LYST: variants seen among roughly 807,000 people sequenced by gnomAD.
LYST encodes lysosomal-trafficking regulator.
In LYST, 192 loss-of-function variants were observed where a neutral mutation model predicts 413.6. The observed-to-expected ratio is 0.46, with a 90% confidence interval of 0.41 to 0.52. The LOEUF (loss-of-function observed/expected upper bound fraction) is 0.52, where lower values mean the gene tolerates loss of function less well. LYST is among the 20% of genes least tolerant of loss of function. LYST has a pLI of 0.00. For synonymous variants in LYST, 1,525 were observed against 1,567.3 expected (o/e 0.97, Z 0.64); for missense variants, 3,815 against 4,499.9 (o/e 0.85, Z 4.35).
chr1:235,866,221 A>C (rs1237389930), intron 1 of LYST, among the ~76,000 whole-genome samples: 1 of 152,116 alleles, frequency 6.6e-6, no homozygotes, highest in Non-Finnish European at 1.5e-5. Flanking sequence ...GTGATACCGG[A>C]GACAGACGGC....
At chr1:235,788,569 A>G (rs991853860) in intron 13 of LYST, 132 bp downstream of exon 13, 26 of 784,222 alleles carry the variant, frequency 3.3e-5, no homozygotes, top group Non-Finnish European at 5.0e-5. Flanking sequence ...AGCTGTTAGA[A>G]TGTATATATT....
At chr1:235,866,600 G>C (rs1460085873) in intron 1 of LYST, among the ~76,000 whole-genome samples, 1 of 151,990 alleles carries the variant, frequency 6.6e-6, no homozygotes, top group East Asian at 1.9e-4. Context: ...CCCGCGGCCC[G>C]GCGGCTGTCA....
chr1:235,858,706 TG>T (rs1024785670), intron 1 of LYST, among the ~76,000 whole-genome samples: 1 of 152,204 alleles, frequency 6.6e-6, no homozygotes, highest in Non-Finnish European at 1.5e-5. Context: ...CTCTATTCCT[TG>T]ACTTCCCACT....
intron 21 of LYST, among the ~76,000 whole-genome samples, chr1:235,765,741 C>T (rs1668077147): frequency 6.6e-6 from 1 of 152,144 alleles, no homozygotes; most frequent in South Asian, 2.1e-4. Flanking sequence ...TGTCATGTAA[C>T]CTATTAAATA....
chr1:235,762,353 A>G (rs930435620), intron 22 of LYST, among the ~76,000 whole-genome samples: 9 of 152,336 alleles, frequency 5.9e-5, no homozygotes, highest in African/African-American at 2.2e-4. Context: ...AGGTACCCTG[A>G]GTCAAAAAAT....
chr1:235,708,980 C>T (rs981133944), intron 44 of LYST, 111 bp downstream of exon 44: 27 of 930,498 alleles, frequency 2.9e-5, no homozygotes, highest in Admixed American at 1.7e-4. Flanking sequence ...AATGCTACTA[C>T]CAATTCTCTT....
chr1:235,879,446 C>T (rs912347004), intron 1 of LYST, among the ~76,000 whole-genome samples: 5 of 152,216 alleles, frequency 3.3e-5, no homozygotes, highest in African/African-American at 1.2e-4. Context: ...CTGAGTGGCA[C>T]CCCAGGTGCT....
At position 235,823,579 on chromosome 1, in the gene LYST, T is replaced by C. The variant is rs78330092; in HGVS notation, c.192+6647A>G. Among the ~76,000 whole-genome samples the C allele has an allele frequency of 3.3e-3, 509 of 152,346 alleles. 18 individuals carry two copies. In the East Asian group the frequency reaches 0.082, roughly 25 times the overall value. On this transcript the variant is annotated intron_variant, in intron 3 of 52. Transcript: ENST00000389793. ...ATGGTATACAAGGCTTGCCATGTCATGGCCTCTGCCCTTCAGGTCTCCCCA... is the reference window on the plus strand; with the variant it reads ...ATGGTATACAAGGCTTGCCATGTCACGGCCTCTGCCCTTCAGGTCTCCCCA...
intron 48 of LYST, among the ~76,000 whole-genome samples, chr1:235,681,318 G>T (rs1428838560): frequency 6.6e-6 from 1 of 152,188 alleles, no homozygotes; most frequent in Non-Finnish European, 1.5e-5. Flanking sequence ...AGCAGGGTAG[G>T]TAGGGAGCAG....
intron 10 of LYST, among the ~76,000 whole-genome samples, chr1:235,798,362 G>C (rs1160742916): frequency 6.6e-6 from 1 of 151,572 alleles, no homozygotes; most frequent in Non-Finnish European, 1.5e-5. Flanking sequence ...TAAAAAATTA[G>C]ATGTTAATAA....
Position 235,806,772 on chromosome 1 carries a change from C to T in LYST, c.2364G>A (p.Arg788=). The T allele has an allele frequency of 6.2e-7, 1 of 1,600,640 alleles. No homozygotes were observed. The part of the protein sequence containing the change: ...VKTLPILLKS[R]VIRDLFLSCN... Reference sequence around the variant, plus strand: ...AACTCAAAAACAAATCTCTTATTACCCTGTGAAAGAAAAAAAGCATGTAAA... The same window carrying T: ...AACTCAAAAACAAATCTCTTATTACTCTGTGAAAGAAAAAAAGCATGTAAA... Residue 788 remains arginine (R), a splice_region_variant and synonymous_variant, in exon 6 of 53, where the codon AGG becomes AGA. Coordinates refer to ENST00000389793, the MANE Select transcript of LYST (RefSeq NM_000081.4).
chr1:235,824,803 C>T (rs1035689757), intron 3 of LYST, among the ~76,000 whole-genome samples: 4 of 152,082 alleles, frequency 2.6e-5, no homozygotes, highest in African/African-American at 7.2e-5. Flanking sequence ...GGGTGGATCA[C>T]GAGGTCAGGA....
intron 25 of LYST, among the ~76,000 whole-genome samples, chr1:235,755,007 A>G (rs2103325879): frequency 6.9e-6 from 1 of 144,508 alleles, no homozygotes; most frequent in East Asian, 2.0e-4. Context: ...CTAGGAGTTC[A>G]AGGCTGCAAT....
chr1:235,661,863 A>G lies in LYST; in HGVS notation c.*1077T>C, dbSNP rs1234588763. The G allele has an allele frequency of 6.6e-6, 1 of 152,622 alleles. No homozygotes were observed. Among genetic ancestry groups the G allele is most frequent in the Non-Finnish European group, 1.5e-5 (1 of 68,034 alleles). The allele number at this position is 152,622 out of a possible 1,614,324, so 9.5% of individuals were successfully genotyped here. A position where few individuals can be genotyped will look rare whatever the true frequency, so the allele number is the denominator to read the frequency against. On this transcript the variant is annotated 3_prime_UTR_variant, in exon 53 of 53. Transcript: ENST00000389793. ...CAAGATGTTTAGGAATTCTGTCTTT[A>G]TGGTATGTAAGTTTGCTGTGGAATA...
Position 235,761,775 on chromosome 1 carries a change from C to CA in LYST, c.6253+944dup, listed in dbSNP as rs201502944. ...CTTTGGAGTGTGATTAAAAAAAAAA[C>CA]AAAAAAAAACCAGAAAGATGGGAGG... On this transcript the variant is annotated intron_variant, in intron 22 of 52. Coordinates refer to ENST00000389793, the MANE Select transcript of LYST (RefSeq NM_000081.4). 3.7e-3 allele frequency among the ~76,000 whole-genome samples: 541 copies of CA among 145,454 alleles called. 4 individuals carry two copies. Among genetic ancestry groups the CA allele is most frequent in the East Asian group, 0.019 (96 of 4,992 alleles).
chr1:235,731,327 T>C (rs1664360923), intron 34 of LYST, 150 bp from the exon 35 acceptor site: 2 of 717,704 alleles, frequency 2.8e-6, no homozygotes, highest in Non-Finnish European at 4.9e-6. Context: ...AGGGAATGCA[T>C]ATACAAGTAG....
At chr1:235,814,248 G>A (rs144236405) in intron 3 of LYST, among the ~76,000 whole-genome samples, 39 of 152,224 alleles carry the variant, frequency 2.6e-4, no homozygotes, top group Admixed American at 1.3e-3. Flanking sequence ...AGTCTGAGAC[G>A]TCTATGCACT....
Position 235,774,939 on chromosome 1 carries a change from AT to A in LYST, c.5607del (p.Lys1869AsnfsTer9). ...TTCAAAATGTAAAACCCAACAATGCATTTTTGTTTGATCAACACCTGATGAA... is the reference window on the plus strand; with the variant it reads ...TTCAAAATGTAAAACCCAACAATGCATTTTGTTTGATCAACACCTGATGAA... ...SMIHQVLIKQ[K>X]CIVGFYILKT... On this transcript the variant is annotated frameshift_variant, in exon 18 of 53. Coordinates refer to ENST00000389793, the MANE Select transcript of LYST (RefSeq NM_000081.4). LOFTEE classifies it high-confidence loss of function. 6.2e-7 allele frequency: 1 copy of A among 1,610,340 alleles called. No individual in the cohort carries two copies. Among genetic ancestry groups the A allele is most frequent in the Non-Finnish European group, 8.5e-7 (1 of 1,178,514 alleles).
chr1:235,718,493 G>A (rs146811128), intron 40 of LYST, among the ~76,000 whole-genome samples: 3 of 150,696 alleles, frequency 2.0e-5, no homozygotes, highest in African/African-American at 4.9e-5. Context: ...AACTCCTGAC[G>A]TCAGGTGATC....
Sources: allele counts gnomAD v4.1 joint callset (sites outside exome capture counted in the v4.1 genomes callset), GRCh38; gene constraint gnomAD v4.1.1; transcripts MANE v1.5; gene names NCBI Gene and HGNC (gene_info 2026-07-23, HGNC 2026-07-21).